SLIT1: variants seen among roughly 807,000 people sequenced by gnomAD.
The protein encoded by SLIT1 is slit guidance ligand 1, also known as slit homolog 1 protein.
In SLIT1, 66 loss-of-function variants were observed where a neutral mutation model predicts 186.1. The observed-to-expected ratio is 0.35, with a 90% CI of 0.29 to 0.44. The LOEUF (loss-of-function observed/expected upper bound fraction) is 0.44, where lower values mean the gene tolerates loss of function less well. Ranked by LOEUF, SLIT1 falls within the 20% of genes least tolerant of loss-of-function variation. The pLI, the probability that SLIT1 is intolerant of heterozygous loss-of-function variation, is 1.00. For synonymous variants in SLIT1, 761 were observed against 833.8 expected (o/e 0.91, Z 1.50); for missense variants, 1,638 against 2,037.4 (o/e 0.80, Z 3.77).
intron 4 of SLIT1, among the ~76,000 whole-genome samples, chr10:97,097,211 T>C (rs1589391826): frequency 6.6e-6 from 1 of 152,228 alleles, no homozygotes; most frequent in South Asian, 2.1e-4. Flanking sequence ...ACTACGCTGA[T>C]GGGCCTGAGA....
At chr10:97,157,676 G>T in intron 4 of SLIT1, 142 bp downstream of exon 4, 1 of 697,264 alleles carries the variant, frequency 1.4e-6, no homozygotes, top group East Asian at 2.5e-5. Context: ...GGCCTTTGAT[G>T]CCCTGGACCA....
Position 97,063,451 on chromosome 10 carries a change from C to G in SLIT1, c.793+4G>C. ...TTGAGAGCCCGGCAGGGGTCTGCAC[C>G]CACCTGAGCAGCTGAACTCACTCTT... On this transcript the variant is annotated splice_donor_region_variant and intron_variant, in intron 8 of 36. Coordinates refer to ENST00000266058, the MANE Select transcript of SLIT1 (RefSeq NM_003061.3). 6.2e-7 allele frequency: 1 copy of G among 1,612,420 alleles called. No individual in the cohort carries two copies. Among genetic ancestry groups the G allele is most frequent in the South Asian group, 1.1e-5 (1 of 91,010 alleles).
intron 1 of SLIT1, among the ~76,000 whole-genome samples, chr10:97,171,115 G>A (rs956230519): frequency 6.6e-6 from 1 of 152,164 alleles, no homozygotes; most frequent in Non-Finnish European, 1.5e-5. Context: ...AAGCCTACTC[G>A]GGAAATGTAC....
At chr10:97,061,867 C>T (rs988662069) in intron 8 of SLIT1, among the ~76,000 whole-genome samples, 1 of 152,124 alleles carries the variant, frequency 6.6e-6, no homozygotes, top group African/African-American at 2.4e-5. Context: ...CCAGTTGATA[C>T]CCCCACCAGC....
chr10:97,011,167 CCACA>C (rs1848407461), intron 30 of SLIT1, 37 bp from the exon 31 acceptor site: 3 of 1,546,990 alleles, frequency 1.9e-6, no homozygotes, highest in Middle Eastern at 3.4e-4. Flanking sequence ...GGGGGGTCAG[CCACA>C]CAGAGTCTGG....
At chr10:97,097,704 A>G (rs1161174174) in intron 4 of SLIT1, among the ~76,000 whole-genome samples, 1 of 152,140 alleles carries the variant, frequency 6.6e-6, no homozygotes, top group Non-Finnish European at 1.5e-5. Flanking sequence ...CACTCTGATC[A>G]TTCGTTCAGT....
intron 4 of SLIT1, among the ~76,000 whole-genome samples, chr10:97,070,288 C>T (rs763021816): frequency 3.5e-4 from 53 of 152,222 alleles, no homozygotes; most frequent in Non-Finnish European, 6.2e-4. Flanking sequence ...ACTCATCCAG[C>T]GTTGCTTTGA....
intron 1 of SLIT1, among the ~76,000 whole-genome samples, chr10:97,180,955 T>C (rs1850328716): frequency 6.6e-6 from 1 of 152,090 alleles, no homozygotes; most frequent in Admixed American, 6.5e-5. Flanking sequence ...CCCTTTGAGG[T>C]AGTAGGTGTT....
In SLIT1 at chr10:97,011,024, T is replaced by C; in HGVS notation, c.3310A>G (p.Ser1104Gly). The C allele has an allele frequency of 6.2e-7, 1 of 1,614,080 alleles. No homozygotes were observed. The highest frequency in any genetic ancestry group is 1.7e-4 in the Middle Eastern group (1 of 6,060). The change falls in exon 31 of 37, where the codon AGC becomes GGC. Residue 1104 changes from serine (S) to glycine (G), a missense_variant. Ser to Gly is a moderately conservative substitution (Grantham distance 56). Coordinates refer to ENST00000266058, the MANE Select transcript of SLIT1 (RefSeq NM_003061.3). ...NGAQCMDEVN[S>G]YSCLCAEGYS... is the part of the protein sequence containing the mutation. Reference sequence around the variant, plus strand: ...CCCTCAGCACAGAGGCAGGAGTAGCTGTTGACTTCATCCATACACTGGGCC... The same window carrying C: ...CCCTCAGCACAGAGGCAGGAGTAGCCGTTGACTTCATCCATACACTGGGCC...
chr10:97,021,495 C>T lies in SLIT1; in HGVS notation c.2583-82G>A. 6 of 1,335,864 alleles carry T rather than the reference C, an allele frequency of 4.5e-6. No homozygotes were observed. The highest frequency in any genetic ancestry group is 2.5e-5 in the East Asian group (1 of 40,802). The allele number at this position is 1,335,864 out of a possible 1,614,324, so 82.8% of individuals were successfully genotyped here. On this transcript the variant is annotated intron_variant, in intron 25 of 36. Transcript: ENST00000266058. This position sits in a 1 kb window ranked among gnomAD's most constrained non-coding sequence, Gnocchi z 4.5. ...TGGGAACCTAGAGTCCCAGGCACTGCACCAGGGGCTGGCAAAAATCTTAGC... is the reference window on the plus strand; with the variant it reads ...TGGGAACCTAGAGTCCCAGGCACTGTACCAGGGGCTGGCAAAAATCTTAGC...
intron 5 of SLIT1, 44 bp from the exon 6 acceptor site, chr10:97,064,920 A>G (rs762188929): frequency 2.0e-6 from 3 of 1,499,160 alleles, no homozygotes; most frequent in South Asian, 1.2e-5. Context: ...CACATTGCCT[A>G]GAGTAAGGGT....
At chr10:97,003,323 C>T (rs1470304297) in intron 34 of SLIT1, among the ~76,000 whole-genome samples, 2 of 152,252 alleles carry the variant, frequency 1.3e-5, no homozygotes, top group African/African-American at 4.8e-5. Context: ...GCTTTTACCT[C>T]CCAGAGACCC....
chr10:97,161,203 C>T (rs1020175708), intron 3 of SLIT1, among the ~76,000 whole-genome samples: 2 of 152,244 alleles, frequency 1.3e-5, no homozygotes, highest in African/African-American at 4.8e-5. Flanking sequence ...GACCCTTTCC[C>T]TCCTCCCCTC....
At chr10:97,125,629 A>G (rs1488304306) in intron 4 of SLIT1, among the ~76,000 whole-genome samples, 1 of 151,902 alleles carries the variant, frequency 6.6e-6, no homozygotes, top group Non-Finnish European at 1.5e-5. Context: ...ACCTGAGGTC[A>G]GGAGTTAGAG....
intron 4 of SLIT1, among the ~76,000 whole-genome samples, chr10:97,067,031 C>T (rs547619226): frequency 1.6e-4 from 24 of 152,322 alleles, no homozygotes; most frequent in African/African-American, 4.8e-4. Flanking sequence ...GAATTGGCTC[C>T]GGTGACCCAG....
Position 97,034,233 on chromosome 10 carries a change from A to G in SLIT1, c.2438+238T>C, listed in dbSNP as rs866029431. Among the ~76,000 whole-genome samples, 3 of 152,144 alleles carry G rather than the reference A, an allele frequency of 2.0e-5. No homozygotes were observed. In the South Asian group the frequency reaches 6.2e-4, roughly 31 times the overall value. ...TTTATGATTATTTGTGAAACTGTAT[A>G]TTTATTTTTTTGCACTATTTACTTT... On this transcript the variant is annotated intron_variant, in intron 23 of 36. Transcript: ENST00000266058.
At position 97,068,434 on chromosome 10, in the gene SLIT1, C is replaced by A. The variant is rs901068670; in HGVS notation, c.414-2348G>T. Among the ~76,000 whole-genome samples, 2 of 152,202 alleles carry A rather than the reference C, an allele frequency of 1.3e-5. No homozygotes were observed. The highest frequency in any genetic ancestry group is 4.8e-5 in the African/African-American group (2 of 41,456). The stretch of plus-strand genomic sequence containing the variant: ...ATGTGCTCCCTCCCCCAAACCCAGC[C>A]CCTCTGTCCTGTCCCCTCACAGCCT... On this transcript the variant is annotated intron_variant, in intron 4 of 36. Transcript: ENST00000266058. The surrounding 1 kb of genome is among the most constrained non-coding windows in gnomAD (Gnocchi z 4.2).
At chr10:97,075,943 G>T (rs1402224148) in intron 4 of SLIT1, among the ~76,000 whole-genome samples, 1 of 152,128 alleles carries the variant, frequency 6.6e-6, no homozygotes, top group African/African-American at 2.4e-5. Context: ...TATTCTTTGG[G>T]GGCTGAGGTG....
intron 4 of SLIT1, among the ~76,000 whole-genome samples, chr10:97,086,314 A>G (rs1849158693): frequency 6.6e-6 from 1 of 152,226 alleles, no homozygotes; most frequent in Admixed American, 6.5e-5. Context: ...TCACGCCTGT[A>G]ATCCCAGCAC....
Sources: gnomAD v4.1 joint callset for allele counts (sites outside exome capture counted in the v4.1 genomes callset) on GRCh38, gnomAD v4.1.1 for gene constraint, Gnocchi (gnomAD v3.1) non-coding constraint, MANE v1.5 for transcripts, NCBI Gene and HGNC (gene_info 2026-07-23, HGNC 2026-07-21) for gene names.